Variants in PAFAH1B1 observed in about 807,000 individuals in gnomAD.
The protein encoded by PAFAH1B1 is platelet-activating factor acetylhydrolase IB subunit beta.
In PAFAH1B1, 2 loss-of-function variants were observed where a neutral mutation model predicts 57.5. The observed-to-expected ratio is 0.03, with a 90% CI of 0.01 to 0.11. The LOEUF is 0.11. Ranked by LOEUF, PAFAH1B1 falls within the 10% of genes least tolerant of loss-of-function variation. The probability of loss-of-function intolerance (pLI) is 1.00; values close to 1 mark genes in which losing one functional copy is unlikely to be tolerated. For missense variants in PAFAH1B1, 257 were observed against 512.0 expected (o/e 0.50, Z 4.81); for synonymous variants, 152 against 169.6 (o/e 0.90, Z 0.81).
At chr17:2,593,590 GGGCGGCGGCGGC>G (rs552674446), upstream of PAFAH1B1, among the ~76,000 whole-genome samples, 64 of 148,770 alleles carry the variant, frequency 4.3e-4, no homozygotes, top group African/African-American at 1.3e-3. Context: ...GGCGGGTCTG[GGGCGGCGGCGGC>G]GGCGGCGGCG....
chr17:2,635,849 C>T (rs1206448151), intron 1 of PAFAH1B1, among the ~76,000 whole-genome samples: 4 of 150,432 alleles, frequency 2.7e-5, no homozygotes, highest in Non-Finnish European at 5.9e-5. Context: ...GCTTGTAATC[C>T]TAGGACTTTG....
intron 9 of PAFAH1B1, among the ~76,000 whole-genome samples, chr17:2,679,367 T>TGG (rs1178058913): frequency 1.3e-4 from 1 of 7,410 alleles, no homozygotes; most frequent in African/African-American, 1.7e-4. Context: ...GATGGATGAT[T>TGG]AGATGGATGA....
chr17:2,608,717 C>T (rs2068233179), intron 1 of PAFAH1B1, among the ~76,000 whole-genome samples: 1 of 152,196 alleles, frequency 6.6e-6, no homozygotes, highest in Non-Finnish European at 1.5e-5. Context: ...TGTGCTTGTG[C>T]CTCTGCACTC....
rs757892852 is a variant in PAFAH1B1, at chr17:2,681,741, C to T, written c.1172C>T (p.Thr391Met). The T allele has an allele frequency of 4.7e-5, 75 of 1,612,810 alleles. No homozygotes were observed. The highest frequency in any genetic ancestry group is 1.8e-4 in the Middle Eastern group (1 of 5,614). The change falls in exon 11 of 11, where the codon ACG becomes ATG. Residue 391 changes from threonine (T) to methionine (M), a missense_variant. Thr to Met is a moderately conservative substitution (Grantham distance 81, BLOSUM62 -1). Transcript: ENST00000397195. ...HFVTSLDFHK[T>M]APYVVTGSVD... Reference sequence around the variant, plus strand: ...CTTTTTCTTTCAGATTTCCACAAGACGGCACCCTATGTCGTCACTGGCAGC... The same window carrying T: ...CTTTTTCTTTCAGATTTCCACAAGATGGCACCCTATGTCGTCACTGGCAGC...
intron 2 of PAFAH1B1, among the ~76,000 whole-genome samples, chr17:2,652,254 C>CA (rs1176477577): frequency 8.4e-4 from 123 of 147,008 alleles, no homozygotes; most frequent in East Asian, 2.8e-3. Context: ...ACTAAAAATA[C>CA]AAAAAAAAAA....
chr17:2,646,093 A>T (rs1198858261), intron 2 of PAFAH1B1, among the ~76,000 whole-genome samples: 1 of 152,174 alleles, frequency 6.6e-6, no homozygotes, highest in Non-Finnish European at 1.5e-5. Flanking sequence ...GTTCAATTTA[A>T]GGATAAGAAC....
At chr17:2,652,176 C>A (rs530120161) in intron 2 of PAFAH1B1, among the ~76,000 whole-genome samples, 2 of 152,110 alleles carry the variant, frequency 1.3e-5, no homozygotes, top group African/African-American at 2.4e-5. Context: ...TTTGGGAGGC[C>A]AAGGCGGGCA....
At chr17:2,645,848 C>T (rs926151866) in intron 2 of PAFAH1B1, among the ~76,000 whole-genome samples, 5 of 151,646 alleles carry the variant, frequency 3.3e-5, no homozygotes, top group African/African-American at 1.2e-4. Flanking sequence ...TCGTGATCCA[C>T]CCGCCTGGAC....
chr17:2,678,383 CAA>C (rs200406198), intron 9 of PAFAH1B1, among the ~76,000 whole-genome samples: 1,884 of 110,022 alleles, frequency 0.017, 56 homozygotes, highest in African/African-American at 0.066. Context: ...GCCTGGGCAA[CAA>C]GAGTGAAACC....
intron 1 of PAFAH1B1, among the ~76,000 whole-genome samples, chr17:2,606,131 G>C (rs1436870291): frequency 6.6e-6 from 1 of 152,108 alleles, no homozygotes; most frequent in Non-Finnish European, 1.5e-5. Context: ...TTTTAAAAAT[G>C]GGTAAATAGG....
At chr17:2,665,901 CTCCCTTTTTTTATAA>C in intron 3 of PAFAH1B1, 100 bp from the exon 4 acceptor site, 1 of 1,126,584 alleles carries the variant, frequency 8.9e-7, no homozygotes, top group East Asian at 3.0e-5. Flanking sequence ...TGCCCAGCCA[CTCCCTTTTTTTATAA>C]TCAGATTTTT....
chr17:2,678,094 T>C (rs1245475393), intron 9 of PAFAH1B1, among the ~76,000 whole-genome samples: 2 of 151,166 alleles, frequency 1.3e-5, no homozygotes, highest in Non-Finnish European at 3.0e-5. Flanking sequence ...CCGTCTCTAC[T>C]AAAATTACAA....
intron 1 of PAFAH1B1, among the ~76,000 whole-genome samples, chr17:2,623,014 G>A (rs929657855): frequency 1.3e-5 from 2 of 152,180 alleles, no homozygotes; most frequent in Non-Finnish European, 2.9e-5. Flanking sequence ...AGCTGGAGTG[G>A]CTGGGACACA....
chr17:2,670,369 A>G (rs368749380), intron 6 of PAFAH1B1, 38 bp downstream of exon 6: 211 of 1,512,916 alleles, frequency 1.4e-4, no homozygotes, highest in South Asian at 2.1e-4. Flanking sequence ...AGTAATTTCT[A>G]TCATGGTACT....
At chr17:2,606,214 A>G (rs1284264117) in intron 1 of PAFAH1B1, among the ~76,000 whole-genome samples, 1 of 152,138 alleles carries the variant, frequency 6.6e-6, no homozygotes, top group Non-Finnish European at 1.5e-5. Flanking sequence ...AATCTTAACT[A>G]TTCGACTCCA....
At chr17:2,639,932 T>C (rs1165753424) in intron 2 of PAFAH1B1, 1 of 152,194 alleles carries the variant, frequency 6.6e-6, no homozygotes, top group Non-Finnish European at 1.5e-5. Flanking sequence ...TTTTCAACAA[T>C]TTTTATTTGG....
chr17:2,661,010 G>T (rs921188565), intron 2 of PAFAH1B1, among the ~76,000 whole-genome samples: 2 of 152,046 alleles, frequency 1.3e-5, no homozygotes, highest in Non-Finnish European at 1.5e-5. Context: ...CAGTGATGTT[G>T]AGCTTTTTTT....
chr17:2,611,845 C>T lies in PAFAH1B1; in HGVS notation c.-191+17839C>T, dbSNP rs148415350. On this transcript the variant is annotated intron_variant, in intron 1 of 10. Transcript: ENST00000397195. ...GAGGCAACATCAGGGCAGATAATTA[C>T]AGTGTATTGTGAGAAGTGGTAAATA... Among the ~76,000 whole-genome samples, 234 of 152,192 alleles carry T rather than the reference C, an allele frequency of 1.5e-3. 1 individual carries two copies. Among genetic ancestry groups the T allele is most frequent in the Non-Finnish European group, 2.9e-3 (198 of 68,010 alleles).
At chr17:2,668,669 C>A (rs751038658) in intron 5 of PAFAH1B1, among the ~76,000 whole-genome samples, 24 of 147,406 alleles carry the variant, frequency 1.6e-4, no homozygotes, top group Admixed American at 4.1e-4. Flanking sequence ...AAGAGTGAGA[C>A]CCTGTCTTAA....
Sources: allele counts gnomAD v4.1 joint callset (sites outside exome capture counted in the v4.1 genomes callset), GRCh38; gene constraint gnomAD v4.1.1; transcripts MANE v1.5; gene names NCBI Gene and HGNC (gene_info 2026-07-23, HGNC 2026-07-21).